Variants in ROBO2 observed in about 807,000 individuals in gnomAD.
ROBO2 encodes roundabout homolog 2.
Under a neutral mutation model 160.8 loss-of-function variants are expected in ROBO2, and 53 were observed. The observed-to-expected ratio is 0.33, with a 90% CI of 0.26 to 0.41. ROBO2 has a LOEUF of 0.41. ROBO2 is among the 10% of genes least tolerant of loss of function. ROBO2 has a pLI of 1.00. For missense variants in ROBO2, 1,577 were observed against 1,722.4 expected, an observed-to-expected ratio of 0.92 and a Z score of 1.49; for synonymous variants, 664 against 611.7, an observed-to-expected ratio of 1.09 and a Z score of -1.26.
At chr3:76,444,310 T>C (rs1235833079) in intron 2 of ROBO2, among the ~76,000 whole-genome samples, 1 of 152,116 alleles carries the variant, frequency 6.6e-6, no homozygotes. Flanking sequence ...ATATGTATAT[T>C]TGAAAACTGT....
At chr3:77,238,637 A>T (rs2088459204) in intron 2 of ROBO2, among the ~76,000 whole-genome samples, 1 of 152,190 alleles carries the variant, frequency 6.6e-6, no homozygotes, top group Admixed American at 6.6e-5. Flanking sequence ...TTTTAAATCT[A>T]ATTTTCTTTT....
intron 2 of ROBO2, among the ~76,000 whole-genome samples, chr3:77,445,089 T>C (rs985603430): frequency 1.3e-5 from 2 of 152,130 alleles, no homozygotes; most frequent in African/African-American, 4.8e-5. Flanking sequence ...ATGTTGCTGA[T>C]ACATTTTTTG....
intron 2 of ROBO2, among the ~76,000 whole-genome samples, chr3:76,536,784 G>C (rs2082530851): frequency 6.6e-6 from 1 of 152,058 alleles, no homozygotes; most frequent in Non-Finnish European, 1.5e-5. Context: ...TTAAATTGTA[G>C]GACTGAGTCA....
intron 2 of ROBO2, among the ~76,000 whole-genome samples, chr3:76,659,543 A>G (rs1397033323): frequency 3.3e-5 from 5 of 152,078 alleles, no homozygotes; most frequent in Non-Finnish European, 4.4e-5. Flanking sequence ...CTCTCAGCTA[A>G]TGGGCTGTGC....
At chr3:76,637,784 T>G (rs1010724847) in intron 2 of ROBO2, among the ~76,000 whole-genome samples, 1 of 152,168 alleles carries the variant, frequency 6.6e-6, no homozygotes, top group African/African-American at 2.4e-5. Context: ...ACCATAAGAC[T>G]AATCTAGGAA....
chr3:77,460,702 G>T (rs945062990), intron 2 of ROBO2, among the ~76,000 whole-genome samples: 2 of 151,540 alleles, frequency 1.3e-5, no homozygotes, highest in African/African-American at 4.9e-5. Flanking sequence ...ATTCAGGGGA[G>T]AATAAAAAAA....
intron 2 of ROBO2, among the ~76,000 whole-genome samples, chr3:76,836,706 C>T (rs1377886896): frequency 1.3e-5 from 2 of 151,444 alleles, no homozygotes; most frequent in Non-Finnish European, 3.0e-5. Context: ...AGATATCTTT[C>T]TTTTATTGGT....
At chr3:77,072,499 C>T (rs1375142267) in intron 1 of ROBO2, among the ~76,000 whole-genome samples, 1 of 152,166 alleles carries the variant, frequency 6.6e-6, no homozygotes, top group Non-Finnish European at 1.5e-5. Context: ...ACTACTTGTG[C>T]TGGACACTAT....
chr3:76,321,591 G>A (rs1404773242), intron 2 of ROBO2, among the ~76,000 whole-genome samples: 1 of 152,156 alleles, frequency 6.6e-6, no homozygotes, highest in South Asian at 2.1e-4. Context: ...TTACATGGTA[G>A]TCCACTTCCA....
At chr3:77,459,586 T>C in intron 2 of ROBO2, among the ~76,000 whole-genome samples, 1 of 152,292 alleles carries the variant, frequency 6.6e-6, no homozygotes, top group Non-Finnish European at 1.5e-5. Flanking sequence ...CACAGTAATA[T>C]GTGATATTCA....
At chr3:76,640,166 G>A (rs576704338) in intron 2 of ROBO2, among the ~76,000 whole-genome samples, 2 of 152,316 alleles carry the variant, frequency 1.3e-5, no homozygotes, top group East Asian at 3.9e-4. Context: ...CAGCTAGGAT[G>A]AACTTTGTGG....
At chr3:77,594,476 A>G (rs185643242) in intron 17 of ROBO2, among the ~76,000 whole-genome samples, 70 of 152,298 alleles carry the variant, frequency 4.6e-4, no homozygotes, top group Middle Eastern at 3.4e-3. Context: ...GGTGTTGCTA[A>G]TAAGTTCCAT....
At chr3:76,208,730 G>A (rs1187827868) in intron 2 of ROBO2, among the ~76,000 whole-genome samples, 1 of 152,020 alleles carries the variant, frequency 6.6e-6, no homozygotes, top group Non-Finnish European at 1.5e-5. Flanking sequence ...CCTTAGATAC[G>A]ATTTGTACCC....
intron 19 of ROBO2, among the ~76,000 whole-genome samples, chr3:77,599,880 A>G (rs1300732485): frequency 6.6e-6 from 1 of 152,190 alleles, no homozygotes; most frequent in African/African-American, 2.4e-5. Context: ...TAAATCCCAT[A>G]TGCTCCTGTC....
intron 2 of ROBO2, among the ~76,000 whole-genome samples, chr3:76,607,791 C>A (rs1456113516): frequency 6.6e-6 from 1 of 152,212 alleles, no homozygotes; most frequent in Admixed American, 6.5e-5. Flanking sequence ...ATCTCCTTCT[C>A]TCTTATCACG....
chr3:76,252,754 T>G (rs1203383420), intron 2 of ROBO2, among the ~76,000 whole-genome samples: 1 of 35,930 alleles, frequency 2.8e-5, no homozygotes, highest in African/African-American at 5.1e-5. Context: ...CGCATGTATA[T>G]GTATACACAC....
chr3:76,732,504 T>C (rs1168343168), intron 2 of ROBO2, among the ~76,000 whole-genome samples: 1 of 152,044 alleles, frequency 6.6e-6, no homozygotes, highest in Admixed American at 6.6e-5. Context: ...AGCTGACCAA[T>C]AGGCTGGGAA....
chr3:77,182,301 A>C (rs1019356478), intron 2 of ROBO2, among the ~76,000 whole-genome samples: 3 of 152,124 alleles, frequency 2.0e-5, no homozygotes, highest in African/African-American at 7.2e-5. Flanking sequence ...CTAATGTTTG[A>C]GAACCATACT....
At chr3:76,346,102 T>A (rs188337584) in intron 2 of ROBO2, among the ~76,000 whole-genome samples, 5 of 152,278 alleles carry the variant, frequency 3.3e-5, no homozygotes, top group African/African-American at 1.2e-4. Flanking sequence ...ATCAGCCTTG[T>A]CCTTCTGGAA....
Sources: allele counts gnomAD v4.1 joint callset (sites outside exome capture counted in the v4.1 genomes callset), GRCh38; gene constraint gnomAD v4.1.1; transcripts MANE v1.5; gene names NCBI Gene and HGNC (gene_info 2026-07-23, HGNC 2026-07-21).